The following ABL2 variants were observed in gnomAD, a reference collection of about 807,000 sequenced individuals.
ABL2 encodes the protein ABL proto-oncogene 2, non-receptor tyrosine kinase, also known as tyrosine-protein kinase ABL2.
Under a neutral mutation model 107.7 loss-of-function variants are expected in ABL2, and 49 were observed. That is an observed-to-expected ratio of 0.45 (90% CI 0.36 to 0.58). The LOEUF (loss-of-function observed/expected upper bound fraction) is 0.58. Among genes scored for constraint, ABL2 ranks in the 20% least tolerant of loss-of-function variants. The pLI is 0.00. For synonymous variants in ABL2, 549 were observed against 548.6 expected (o/e 1.00, Z -0.01); for missense variants, 1,245 against 1,457.0 (o/e 0.85, Z 2.37).
At chr1:179,178,401 CAAAA>C (rs572438530) in intron 1 of ABL2, among the ~76,000 whole-genome samples, 5 of 68,640 alleles carry the variant, frequency 7.3e-5, no homozygotes, top group Non-Finnish European at 5.7e-5. Flanking sequence ...GACTCTGCCT[CAAAA>C]AAAAAAAAAA....
chr1:179,139,934 G>T (rs181649724), intron 1 of ABL2, among the ~76,000 whole-genome samples: 1 of 152,278 alleles, frequency 6.6e-6, no homozygotes, highest in East Asian at 1.9e-4. Flanking sequence ...TGAAAAAATT[G>T]ACTTCCATGA....
At chr1:179,125,622 T>G (rs1449392491) in intron 4 of ABL2, among the ~76,000 whole-genome samples, 1 of 152,228 alleles carries the variant, frequency 6.6e-6, no homozygotes, top group Non-Finnish European at 1.5e-5. Context: ...TATCAGTCAT[T>G]ATGTTTTACA....
At chr1:179,165,146 A>G (rs987953753) in intron 1 of ABL2, among the ~76,000 whole-genome samples, 1 of 152,208 alleles carries the variant, frequency 6.6e-6, no homozygotes, top group Non-Finnish European at 1.5e-5. Context: ...ACATTGTGAC[A>G]CAGCATGTAA....
At chr1:179,116,128 C>T (rs1003510278) in intron 8 of ABL2, among the ~76,000 whole-genome samples, 2 of 152,150 alleles carry the variant, frequency 1.3e-5, no homozygotes, top group East Asian at 3.9e-4. Flanking sequence ...AATCCCAACA[C>T]TTTGGGAGGC....
chr1:179,183,143 G>A (rs1027230463), intron 1 of ABL2, among the ~76,000 whole-genome samples: 1 of 152,028 alleles, frequency 6.6e-6, no homozygotes, highest in Non-Finnish European at 1.5e-5. Context: ...CTCCCAAATA[G>A]AGAACTGCAT....
intron 1 of ABL2, chr1:179,184,192 T>C (rs1660555011): frequency 2.1e-6 from 1 of 467,420 alleles, no homozygotes; most frequent in South Asian, 2.0e-5. Context: ...CTGCATTATC[T>C]GACCAAAGTT....
At chr1:179,202,067 AAG>A in intron 1 of ABL2, 26 of 262,918 alleles carry the variant, frequency 9.9e-5, no homozygotes, top group Non-Finnish European at 1.5e-4. Context: ...TTTGAGGCAA[AAG>A]AAAAAAAAAG....
rs1210138848 is a variant in ABL2, at chr1:179,102,506, G to C, written c.*5212C>G. On this transcript the variant is annotated 3_prime_UTR_variant, in exon 12 of 12. Transcript: ENST00000502732. ...TAAGACAGAGACACAAACCGCTGAA[G>C]CCTATCAATACTTAAGCCAGAGACC... The C allele has an allele frequency of 1.3e-5, 3 of 226,960 alleles. No individual in the cohort carries two copies. The highest frequency in any genetic ancestry group is 2.6e-5 in the Non-Finnish European group (3 of 114,238). 14.1% of individuals were successfully genotyped at this position (226,960 alleles called of 1,614,324 possible). A position where few individuals can be genotyped will look rare whatever the true frequency, so the allele number is the denominator to read the frequency against.
Position 179,126,668 on chromosome 1 carries a change from T to G in ABL2, c.396A>C (p.Glu132Asp). Residue 132 changes from glutamate to aspartate, a missense_variant, in exon 4 of 12, where the codon GAA becomes GAC. Transcript: ENST00000502732. The surrounding 1 kb of genome is among the most constrained non-coding windows in gnomAD (Gnocchi z 4.4). ...GGTTGTAACCAAGGACTCGTAGCTT[T>G]TCACCTAGCCATAAGGTCATCACAG... ...GDNTLSITKG[E>D]KLRVLGYNQN... 1.9e-6 allele frequency: 3 copies of G among 1,611,810 alleles called. No homozygotes were observed. The highest frequency in any genetic ancestry group is 2.5e-6 in the Non-Finnish European group (3 of 1,178,120).
intron 1 of ABL2, among the ~76,000 whole-genome samples, chr1:179,199,815 C>T (rs1261553804): frequency 3.3e-5 from 5 of 150,072 alleles, no homozygotes; most frequent in Non-Finnish European, 7.4e-5. Context: ...TCACTGCAGC[C>T]TTGAACTCCT....
chr1:179,129,540 G>A (rs563466406), intron 3 of ABL2, among the ~76,000 whole-genome samples: 1 of 152,002 alleles, frequency 6.6e-6, no homozygotes, highest in Non-Finnish European at 1.5e-5. Flanking sequence ...AAATTAACAC[G>A]GCGTGGTGGT....
At chr1:179,213,948 G>GA (rs1662423518) in intron 1 of ABL2, among the ~76,000 whole-genome samples, 1 of 151,790 alleles carries the variant, frequency 6.6e-6, no homozygotes. Flanking sequence ...TCTCTTAAAA[G>GA]AAAAAAATTA....
chr1:179,190,923 A>G (rs985513890), intron 1 of ABL2, among the ~76,000 whole-genome samples: 2 of 152,208 alleles, frequency 1.3e-5, no homozygotes, highest in African/African-American at 4.8e-5. Context: ...GGTCCATTAT[A>G]TCCAGAATTT....
intron 1 of ABL2, among the ~76,000 whole-genome samples, chr1:179,191,879 G>A (rs939134700): frequency 2.6e-5 from 4 of 152,182 alleles, no homozygotes; most frequent in African/African-American, 9.7e-5. Context: ...CAATTGAAAT[G>A]AGACAGAAAA....
chr1:179,117,081 A>G (rs115703163), intron 8 of ABL2: 8 of 475,440 alleles, frequency 1.7e-5, no homozygotes, highest in African/African-American at 3.9e-5. Context: ...CAAGTGATCC[A>G]CCCATCTCGG....
chr1:179,142,178 A>G (rs1477008522), intron 1 of ABL2, among the ~76,000 whole-genome samples: 1 of 152,238 alleles, frequency 6.6e-6, no homozygotes, highest in East Asian at 1.9e-4. Context: ...ATTCACTGCT[A>G]TAGAGGTAGA....
At chr1:179,164,040 TA>T (rs1319381937) in intron 1 of ABL2, among the ~76,000 whole-genome samples, 4 of 152,000 alleles carry the variant, frequency 2.6e-5, no homozygotes, top group Non-Finnish European at 4.4e-5. Flanking sequence ...TGCCAGGGAT[TA>T]AAGGGGGGGA....
At chr1:179,206,941 C>G (rs1488764209) in intron 1 of ABL2, among the ~76,000 whole-genome samples, 1 of 152,158 alleles carries the variant, frequency 6.6e-6, no homozygotes, top group African/African-American at 2.4e-5. Flanking sequence ...GAAAACTGAA[C>G]AGATGTACAG....
rs181106570 is a variant in ABL2, at chr1:179,173,854, C to T, written c.158-40480G>A. Among the ~76,000 whole-genome samples, 7 of 90,464 alleles carry T rather than the reference C, an allele frequency of 7.7e-5. No individual in the cohort carries two copies. The East Asian group carries it at 2.1e-3, about 26-fold the overall frequency. 59.3% of individuals were successfully genotyped at this position (90,464 alleles called of 152,430 possible). A position where few individuals can be genotyped will look rare whatever the true frequency, so the allele number is the denominator to read the frequency against. On this transcript the variant is annotated intron_variant, in intron 1 of 11. Transcript: ENST00000502732. ...CTTACCTGGATATTAATTTAAAAAG[C>T]TGAAAAAGAATGAGATTTGAACACT...
Sources: allele counts gnomAD v4.1 joint callset (sites outside exome capture counted in the v4.1 genomes callset), GRCh38; gene constraint gnomAD v4.1.1; non-coding constraint Gnocchi (gnomAD v3.1); transcripts MANE v1.5; gene names NCBI Gene and HGNC (gene_info 2026-07-23, HGNC 2026-07-21).